The following SLC35F1 variants were observed in gnomAD, a reference collection of about 807,000 sequenced individuals.
SLC35F1 encodes the protein solute carrier family 35 member F1.
Under a neutral mutation model 48.7 loss-of-function variants are expected in SLC35F1, and 14 were observed. The ratio of observed to expected loss-of-function variants is 0.29; its 90% confidence interval spans 0.19 to 0.45. The LOEUF (loss-of-function observed/expected upper bound fraction) is 0.45, where lower values mean the gene tolerates loss of function less well. Ranked by LOEUF, SLC35F1 falls within the 20% of genes least tolerant of loss-of-function variation. The probability of loss-of-function intolerance (pLI) is 1.00; values close to 1 mark genes in which losing one functional copy is unlikely to be tolerated. For missense variants in SLC35F1, 404 were observed against 500.0 expected (o/e 0.81, Z 1.83); for synonymous variants, 190 against 202.2 (o/e 0.94, Z 0.51).
At chr6:118,250,132 G>A (rs1775555090) in intron 3 of SLC35F1, among the ~76,000 whole-genome samples, 1 of 152,176 alleles carries the variant, frequency 6.6e-6, no homozygotes, top group Non-Finnish European at 1.5e-5. Flanking sequence ...TTGCTCAACT[G>A]TCATCTTTTC....
At chr6:118,266,095 A>G (rs78311178) in intron 3 of SLC35F1, among the ~76,000 whole-genome samples, 6,078 of 152,276 alleles carry the variant, frequency 0.04, 418 homozygotes, top group African/African-American at 0.14. Flanking sequence ...GAAAGTTGTT[A>G]TCTTCATTTT....
At chr6:118,205,349 GA>G (rs143197882) in intron 2 of SLC35F1, among the ~76,000 whole-genome samples, 1,966 of 152,260 alleles carry the variant, frequency 0.013, 49 homozygotes, top group African/African-American at 0.044. Flanking sequence ...GAAGATACAC[GA>G]ATGGCCACTA....
At chr6:117,971,811 A>C (rs897863565) in intron 1 of SLC35F1, among the ~76,000 whole-genome samples, 4 of 152,230 alleles carry the variant, frequency 2.6e-5, no homozygotes, top group African/African-American at 9.6e-5. Context: ...CTGGGGCTAC[A>C]TAGAGGACAG....
At chr6:117,999,271 T>C in intron 1 of SLC35F1, 1 of 1,596,224 alleles carries the variant, frequency 6.3e-7, no homozygotes, top group Non-Finnish European at 8.5e-7. Flanking sequence ...ATGCCTACGT[T>C]GCCCACCCCA....
chr6:118,197,537 C>G (rs1291661760), intron 2 of SLC35F1, among the ~76,000 whole-genome samples: 1 of 152,112 alleles, frequency 6.6e-6, no homozygotes, highest in Non-Finnish European at 1.5e-5. Context: ...TATCTGATTC[C>G]AGGATAATAT....
At chr6:118,065,213 T>A (rs1772595454) in intron 1 of SLC35F1, among the ~76,000 whole-genome samples, 1 of 152,172 alleles carries the variant, frequency 6.6e-6, no homozygotes. Flanking sequence ...ATCCTGCTGT[T>A]GGATATTTTA....
chr6:117,960,239 A>G (rs1253838856), intron 1 of SLC35F1, among the ~76,000 whole-genome samples: 7 of 151,360 alleles, frequency 4.6e-5, no homozygotes, highest in Non-Finnish European at 1.0e-4. Context: ...TGTATTCAGA[A>G]CACAGTGCCT....
At chr6:118,293,640 C>T (rs781316883) in intron 7 of SLC35F1, among the ~76,000 whole-genome samples, 7 of 152,128 alleles carry the variant, frequency 4.6e-5, no homozygotes, top group African/African-American at 1.4e-4. Context: ...CAGGACAATA[C>T]GAGTATACTG....
chr6:118,053,626 G>T (rs1326938770), intron 1 of SLC35F1, among the ~76,000 whole-genome samples: 2 of 152,090 alleles, frequency 1.3e-5, no homozygotes, highest in Non-Finnish European at 2.9e-5. Context: ...ACTTAATGGT[G>T]TATGGTTAAC....
At chr6:118,216,684 T>C (rs1412829395) in intron 2 of SLC35F1, among the ~76,000 whole-genome samples, 1 of 152,208 alleles carries the variant, frequency 6.6e-6, no homozygotes, top group Non-Finnish European at 1.5e-5. Context: ...AATTATTTCC[T>C]TATTGTCTTT....
At chr6:118,027,088 C>T (rs1197144754) in intron 1 of SLC35F1, among the ~76,000 whole-genome samples, 1 of 152,122 alleles carries the variant, frequency 6.6e-6, no homozygotes, top group Non-Finnish European at 1.5e-5. Context: ...GGTTCTTTTA[C>T]TTAGCCTAAT....
intron 1 of SLC35F1, among the ~76,000 whole-genome samples, chr6:118,040,421 A>T (rs1323689892): frequency 3.9e-5 from 6 of 152,186 alleles, no homozygotes; most frequent in Non-Finnish European, 8.8e-5. Flanking sequence ...GGGATGGATT[A>T]TAGGAAAATT....
At chr6:118,121,997 T>G (rs1773558609) in intron 1 of SLC35F1, among the ~76,000 whole-genome samples, 2 of 152,074 alleles carry the variant, frequency 1.3e-5, no homozygotes. Context: ...TTCCCCCCAT[T>G]TCAAAGTTAT....
At chr6:118,013,705 G>T (rs1547754) in intron 1 of SLC35F1, among the ~76,000 whole-genome samples, 96,164 of 151,976 alleles carry the variant, frequency 0.63, 32,920 homozygotes, top group South Asian at 0.81. Flanking sequence ...TACTCTACTT[G>T]GATTGTTATT....
At chr6:118,083,347 G>A (rs1772940207) in intron 1 of SLC35F1, among the ~76,000 whole-genome samples, 1 of 152,180 alleles carries the variant, frequency 6.6e-6, no homozygotes, top group Non-Finnish European at 1.5e-5. Context: ...AAGTGGTAAA[G>A]TAATAAGGAT....
At chr6:118,122,197 T>A (rs975056335) in intron 1 of SLC35F1, among the ~76,000 whole-genome samples, 1 of 151,956 alleles carries the variant, frequency 6.6e-6, no homozygotes, top group African/African-American at 2.4e-5. Flanking sequence ...TATAAGAATA[T>A]TTTTACTCCC....
intron 1 of SLC35F1, among the ~76,000 whole-genome samples, chr6:118,113,760 A>G (rs1773440601): frequency 1.3e-5 from 2 of 152,232 alleles, no homozygotes; most frequent in East Asian, 1.9e-4. Flanking sequence ...AATATTAGCT[A>G]TGTTTCTGAC....
chr6:117,999,623 C>A (rs1311520213), intron 1 of SLC35F1, among the ~76,000 whole-genome samples: 2 of 150,404 alleles, frequency 1.3e-5, no homozygotes, highest in Non-Finnish European at 3.0e-5. Flanking sequence ...GAAATAGAGA[C>A]CCAAAAAAAC....
At chr6:118,058,374 TTTAAC>T (rs1309457504) in intron 1 of SLC35F1, among the ~76,000 whole-genome samples, 1 of 152,182 alleles carries the variant, frequency 6.6e-6, no homozygotes, top group African/African-American at 2.4e-5. Context: ...AAATTATTGT[TTTAAC>T]TTAAGAACTC....
Sources: gnomAD v4.1 joint callset for allele counts (sites outside exome capture counted in the v4.1 genomes callset) on GRCh38, gnomAD v4.1.1 for gene constraint, MANE v1.5 for transcripts, NCBI Gene and HGNC (gene_info 2026-07-23, HGNC 2026-07-21) for gene names.